The following OR1J2 variants were observed in gnomAD, a reference collection of about 807,000 sequenced individuals.
OR1J2 encodes olfactory receptor 1J2.
For synonymous variants in OR1J2, 142 were observed against 99.7 expected (o/e 1.42, Z -2.52); for missense variants, 304 against 246.1 (o/e 1.24, Z -1.57).
chr9:122,473,991 C>T, the OR1J2 span, among the ~76,000 whole-genome samples: 1 of 152,074 alleles, frequency 6.6e-6, no homozygotes, highest in East Asian at 1.9e-4. Flanking sequence ...GCATGTTGTA[C>T]CCAGGTTAAC....
At chr9:122,513,023 G>A (rs1262679677), downstream of OR1J2, among the ~76,000 whole-genome samples, 1 of 152,114 alleles carries the variant, frequency 6.6e-6, no homozygotes. Context: ...CCCACAAAGG[G>A]ACACAAGTTC....
At chr9:122,508,123 G>C (rs749179359), upstream of OR1J2, among the ~76,000 whole-genome samples, 38 of 147,708 alleles carry the variant, frequency 2.6e-4, no homozygotes, top group Admixed American at 6.1e-4. Context: ...GGAGAGTGAG[G>C]GGGGGAGAGA....
At chr9:122,503,196 T>C in the OR1J2 span, among the ~76,000 whole-genome samples, 1 of 152,170 alleles carries the variant, frequency 6.6e-6, no homozygotes, top group Non-Finnish European at 1.5e-5. Context: ...TCTTGAATAG[T>C]GGTAGTGGCT....
chr9:122,465,519 A>C, the OR1J2 span, among the ~76,000 whole-genome samples: 1 of 152,122 alleles, frequency 6.6e-6, no homozygotes. Context: ...ACCCAAACTA[A>C]TTTGGATCCT....
the OR1J2 span, among the ~76,000 whole-genome samples, chr9:122,455,053 T>C: frequency 6.6e-6 from 1 of 152,356 alleles, no homozygotes; most frequent in Middle Eastern, 3.4e-3. Flanking sequence ...TAGTACTTCA[T>C]TCCTATTTAT....
chr9:122,570,783 T>C, the OR1J2 span, among the ~76,000 whole-genome samples: 2 of 152,178 alleles, frequency 1.3e-5, no homozygotes, highest in Non-Finnish European at 1.5e-5. Context: ...TTTGCTGATA[T>C]ATTGAGTGAA....
chr9:122,545,377 T>G, the OR1J2 span, among the ~76,000 whole-genome samples: 10 of 152,186 alleles, frequency 6.6e-5, no homozygotes, highest in Non-Finnish European at 1.2e-4. Context: ...TGATTAATCA[T>G]TCTATCTACT....
chr9:122,470,593 G>T, the OR1J2 span, among the ~76,000 whole-genome samples: 4 of 152,328 alleles, frequency 2.6e-5, no homozygotes, highest in South Asian at 6.2e-4. Context: ...GCCTAGTGGA[G>T]CTGTGAGAAG....
chr9:122,464,198 A>G, the OR1J2 span, among the ~76,000 whole-genome samples: 1 of 152,028 alleles, frequency 6.6e-6, no homozygotes, highest in Non-Finnish European at 1.5e-5. Context: ...CTGCTGTGTC[A>G]CACAGGTCAC....
chr9:122,532,453 G>A, the OR1J2 span, among the ~76,000 whole-genome samples: 2 of 152,034 alleles, frequency 1.3e-5, no homozygotes, highest in East Asian at 1.9e-4. Flanking sequence ...TGGGGTGAAC[G>A]TCAGGTGGAT....
the OR1J2 span, among the ~76,000 whole-genome samples, chr9:122,470,109 C>T: frequency 6.6e-6 from 1 of 152,220 alleles, no homozygotes; most frequent in Non-Finnish European, 1.5e-5. Flanking sequence ...GAATGTTAAT[C>T]TCCAAGACAA....
the OR1J2 span, among the ~76,000 whole-genome samples, chr9:122,460,192 TACAC>T: frequency 0.011 from 1,674 of 149,836 alleles, 20 homozygotes; most frequent in African/African-American, 0.036. Context: ...TATATATATA[TACAC>T]ACACACACAC....
chr9:122,453,811 C>A, the OR1J2 span, among the ~76,000 whole-genome samples: 1 of 152,216 alleles, frequency 6.6e-6, no homozygotes, highest in South Asian at 2.1e-4. Context: ...CAGACAACTG[C>A]AATGATGTCT....
the OR1J2 span, chr9:122,519,230 G>T: frequency 6.2e-7 from 1 of 1,614,026 alleles, no homozygotes; most frequent in South Asian, 1.1e-5. Flanking sequence ...TCTTCACCCT[G>T]TTCTTGGGCA....
At chr9:122,499,267 A>C in the OR1J2 span, among the ~76,000 whole-genome samples, 22 of 152,016 alleles carry the variant, frequency 1.4e-4, no homozygotes, top group Non-Finnish European at 3.1e-4. Context: ...GAGCAGGGAA[A>C]CCTCCTTAGT....
the OR1J2 span, among the ~76,000 whole-genome samples, chr9:122,523,384 G>T: frequency 2.6e-5 from 4 of 152,148 alleles, no homozygotes; most frequent in Non-Finnish European, 5.9e-5. Context: ...CAAGTGATGG[G>T]CACCATTGGC....
At chr9:122,574,297 G>T in the OR1J2 span, among the ~76,000 whole-genome samples, 3 of 152,148 alleles carry the variant, frequency 2.0e-5, no homozygotes, top group Non-Finnish European at 4.4e-5. Context: ...GAATTCAGGA[G>T]AATTGACCTT....
At chr9:122,499,229 C>T in the OR1J2 span, among the ~76,000 whole-genome samples, 1 of 152,226 alleles carries the variant, frequency 6.6e-6, no homozygotes, top group Non-Finnish European at 1.5e-5. Context: ...GGGTGGCCAC[C>T]AGGATCCCAG....
At chr9:122,460,094 TC>T in the OR1J2 span, among the ~76,000 whole-genome samples, 1 of 152,040 alleles carries the variant, frequency 6.6e-6, no homozygotes, top group Non-Finnish European at 1.5e-5. Flanking sequence ...GATCTCCAAT[TC>T]CATCCAAGTT....
Sources: gnomAD v4.1 joint callset for allele counts (sites outside exome capture counted in the v4.1 genomes callset) on GRCh38, gnomAD v4.1.1 for gene constraint, MANE v1.5 for transcripts, NCBI Gene and HGNC (gene_info 2026-07-23, HGNC 2026-07-21) for gene names.